RBM23: variants seen among roughly 807,000 people sequenced by gnomAD.
RBM23 encodes RNA binding motif protein 23, also known as probable RNA-binding protein 23.
A neutral mutation model predicts 56.2 loss-of-function variants in RBM23; 53 were observed. The observed-to-expected ratio is 0.94, with a 90% CI of 0.76 to 1.19. RBM23 has a LOEUF of 1.19. Ranked by LOEUF, RBM23 falls within the 50% of genes most tolerant of loss-of-function variation. The pLI, the probability that RBM23 is intolerant of heterozygous loss-of-function variation, is 0.00. For missense variants in RBM23, 642 were observed against 590.3 expected, an observed-to-expected ratio of 1.09 and a Z score of -0.91; for synonymous variants, 197 against 198.5, an observed-to-expected ratio of 0.99 and a Z score of 0.06.
rs1566518447 is a variant in RBM23 at position 22,901,748 on chromosome 14, G to GATA, written c.1317-16_1317-15insTAT. 1 of 1,613,854 alleles carries GATA rather than the reference G, an allele frequency of 6.2e-7. No individual in the cohort carries two copies. The highest frequency in any genetic ancestry group is 1.7e-5 in the Admixed American group (1 of 60,016). On this transcript the variant is annotated splice_polypyrimidine_tract_variant and intron_variant, in intron 13 of 13. Coordinates refer to ENST00000359890, the MANE Select transcript of RBM23 (RefSeq NM_001077351.2). ...CACTGATTTACCTGTGGAAAGAAGA[G>GATA]GTAAATGGGAAGCCAAAGGAAAGAG...
rs1370702866 is a variant in RBM23 at position 22,906,245 on chromosome 14, G to A, written c.351C>T (p.Asp117=). 1.3e-5 allele frequency: 21 copies of A among 1,614,098 alleles called. No individual in the cohort carries two copies. Among genetic ancestry groups the A allele is most frequent in the Non-Finnish European group, 1.8e-5 (21 of 1,180,048 alleles). The stretch of plus-strand genomic sequence containing the variant: ...AATGCACACGATCCTCACGACGATG[G>A]TCCCGACTTCGCGACTCACTACCAT... ...RRHGSESRSR[D]HRREDRVHYR... is the part of the protein sequence containing the mutation. The change falls in exon 5 of 14, where the codon GAC becomes GAT. Residue 117 remains aspartate, a synonymous_variant. Transcript: ENST00000359890.
Position 22,901,712 on chromosome 14 carries a change from G to A in RBM23, c.*18C>T. On this transcript the variant is annotated 3_prime_UTR_variant, in exon 14 of 14. Transcript: ENST00000359890. ...CAGGATCCAGAGGCACAAGGAGGCA[G>A]TATACTGTGCCACTGATTTACCTGT... 6 of 1,611,716 alleles carry A rather than the reference G, an allele frequency of 3.7e-6. No homozygotes were observed. Among genetic ancestry groups the A allele is most frequent in the Non-Finnish European group, 5.1e-6 (6 of 1,177,760 alleles).
rs368166923 is a variant in RBM23, at chr14:22,904,287, G to A, written c.904C>T (p.Arg302Cys). Residue 302 changes from arginine (R) to cysteine (C), a missense_variant, in exon 10 of 14, where the codon CGC (arginine) becomes TGC (cysteine). Transcript: ENST00000359890. ...IVLMKDSDTGRSKGYGFITFS... is the reference protein window; with the variant it reads ...IVLMKDSDTGCSKGYGFITFS... The stretch of plus-strand genomic sequence containing the variant: ...GTGATGAAACCATAACCTTTAGAGC[G>A]GCCTGTATCTGAGTCCTTCATCAGG... 42 of 1,613,132 alleles carry A rather than the reference G, an allele frequency of 2.6e-5. No individual in the cohort carries two copies. The highest frequency in any genetic ancestry group is 2.3e-4 in the South Asian group (21 of 91,056).
chr14:22,905,271 T>C (rs763078020), intron 7 of RBM23, 25 bp from the exon 8 acceptor site: 3 of 1,613,944 alleles, frequency 1.9e-6, no homozygotes, highest in Non-Finnish European at 2.5e-6. Flanking sequence ...AAAGAAATCC[T>C]GAGTTAGGCA....
At chr14:22,905,280 C>T (rs751821400) in intron 7 of RBM23, 34 bp from the exon 8 acceptor site, 15 of 1,613,838 alleles carry the variant, frequency 9.3e-6, no homozygotes, top group Non-Finnish European at 1.2e-5. Flanking sequence ...CTGAGTTAGG[C>T]ATAAAGGGAG....
In RBM23 at chr14:22,905,638, C is replaced by CA; in HGVS notation, c.422_423insT (p.Lys141AsnfsTer16). On this transcript the variant is annotated frameshift_variant, in exon 6 of 14. Transcript: ENST00000359890. LOFTEE classifies it high-confidence loss of function. ...GGCTCTTCTCTCTGAAATGAGGACT[C>CA]TTACTGTGTCCATACCTATAACTAA... 6.2e-7 allele frequency: 1 copy of CA among 1,609,624 alleles called. No homozygotes were observed. Among genetic ancestry groups the CA allele is most frequent in the Non-Finnish European group, 8.5e-7 (1 of 1,175,824 alleles).
At chr14:22,910,253 G>A (rs1441686295) in intron 2 of RBM23, among the ~76,000 whole-genome samples, 1 of 146,480 alleles carries the variant, frequency 6.8e-6, no homozygotes, top group East Asian at 2.0e-4. Context: ...CCTGAGGTCA[G>A]GAGTTCCAGA....
chr14:22,902,430 C>T (rs752265300), intron 10 of RBM23, 48 bp from the exon 11 acceptor site: 10 of 1,585,772 alleles, frequency 6.3e-6, no homozygotes, highest in Middle Eastern at 1.7e-4. Flanking sequence ...CAAAGACATG[C>T]TCTCAAAGAC....
chr14:22,912,241 A>C (rs1054472155), intron 1 of RBM23, among the ~76,000 whole-genome samples: 1 of 152,216 alleles, frequency 6.6e-6, no homozygotes, highest in Non-Finnish European at 1.5e-5. Context: ...GGCACGACTA[A>C]AAATCAGAAG....
chr14:22,918,400 T>TAA (rs34898728), intron 1 of RBM23, among the ~76,000 whole-genome samples: 1 of 149,410 alleles, frequency 6.7e-6, no homozygotes, highest in Non-Finnish European at 1.5e-5. Flanking sequence ...CTTAAAAAAA[T>TAA]AAAAAAAAAG....
At chr14:22,902,132 C>G (rs763335238) in intron 11 of RBM23, 33 bp from the exon 12 acceptor site, 2 of 1,605,114 alleles carry the variant, frequency 1.2e-6, no homozygotes, top group Admixed American at 1.7e-5. Flanking sequence ...GATTAAGCCC[C>G]AACCCTTCAT....
rs34197647 is a variant in RBM23, at chr14:22,900,329, A to ACCCCCCCCCCCCCCC, written c.*1400_*1401insGGGGGGGGGGGGGGG. On this transcript the variant is annotated 3_prime_UTR_variant, in exon 14 of 14. Coordinates refer to ENST00000359890, the MANE Select transcript of RBM23 (RefSeq NM_001077351.2). ...TGGTACTTAACTCTTCAAGATCACA[A>ACCCCCCCCCCCCCCC]CCCCCCCCCCTCCCCGCCCCGCCCC... 9 of 132,496 alleles carry ACCCCCCCCCCCCCCC rather than the reference A, an allele frequency of 6.8e-5. No homozygotes were observed. The highest frequency in any genetic ancestry group is 3.2e-4 in the Admixed American group (4 of 12,422). The allele number at this position is 132,496 out of a possible 1,614,324, so 8.2% of individuals were successfully genotyped here. A position where few individuals can be genotyped will look rare whatever the true frequency, so the allele number is the denominator to read the frequency against.
At chr14:22,912,093 T>C (rs2042626638) in intron 1 of RBM23, among the ~76,000 whole-genome samples, 2 of 152,196 alleles carry the variant, frequency 1.3e-5, no homozygotes, top group South Asian at 4.1e-4. Context: ...TCCACTCTAC[T>C]GTTCAAAATT....
rs1566506281 is a variant in RBM23, at chr14:22,898,245, ACAG to A, written c.*3482_*3484del. On this transcript the variant is annotated 3_prime_UTR_variant, in exon 14 of 14. Transcript: ENST00000359890. ...CAGGCAGAATTCCTGTGTCAAGAGC[ACAG>A]CAGTTTAAAGAACAGGGAGGAAATG... 1 of 152,274 alleles carries A rather than the reference ACAG, an allele frequency of 6.6e-6. No individual in the cohort carries two copies. The highest frequency in any genetic ancestry group is 2.4e-5 in the African/African-American group (1 of 41,460). The allele number at this position is 152,274 out of a possible 1,614,324, so 9.4% of individuals were successfully genotyped here. A position where few individuals can be genotyped will look rare whatever the true frequency, so the allele number is the denominator to read the frequency against.
In RBM23 at chr14:22,902,499, A is replaced by T. The variant is rs944805750; in HGVS notation, c.931-117T>A. 2.8e-6 allele frequency: 4 copies of T among 1,432,342 alleles called. No individual in the cohort carries two copies. The African/African-American group carries it at 4.3e-5, about 15-fold the overall frequency. 88.7% of individuals were successfully genotyped at this position (1,432,342 alleles called of 1,614,324 possible). A position where few individuals can be genotyped will look rare whatever the true frequency, so the allele number is the denominator to read the frequency against. ...AAATTGTATGCTCACTGAGGTACAAACTTTTCTTTCCCAGAAAATATGACC... is the reference window on the plus strand; with the variant it reads ...AAATTGTATGCTCACTGAGGTACAATCTTTTCTTTCCCAGAAAATATGACC... On this transcript the variant is annotated intron_variant, in intron 10 of 13. Coordinates refer to ENST00000359890, the MANE Select transcript of RBM23 (RefSeq NM_001077351.2).
In RBM23 at chr14:22,901,217, G is replaced by T. The variant is rs1038719552; in HGVS notation, c.*513C>A. On this transcript the variant is annotated 3_prime_UTR_variant, in exon 14 of 14. Transcript: ENST00000359890. ...TGCTTCAAGCTAAGGTCTGAGGCTG[G>T]CTTCTCAATGCACGTCCATGCTATC... The T allele has an allele frequency of 3.1e-5, 5 of 162,326 alleles. No homozygotes were observed. The highest frequency in any genetic ancestry group is 6.7e-5 in the Non-Finnish European group (5 of 74,272). 10.1% of individuals were successfully genotyped at this position (162,326 alleles called of 1,614,324 possible). A position where few individuals can be genotyped will look rare whatever the true frequency, so the allele number is the denominator to read the frequency against.
chr14:22,915,488 A>G (rs2043316539), intron 1 of RBM23, among the ~76,000 whole-genome samples: 1 of 134,386 alleles, frequency 7.4e-6, no homozygotes, highest in Non-Finnish European at 1.6e-5. Flanking sequence ...CATAAGCCCC[A>G]TGCCTGGCTT....
At chr14:22,912,823 A>C (rs35961314) in intron 1 of RBM23, among the ~76,000 whole-genome samples, 69,746 of 151,216 alleles carry the variant, frequency 0.46, 19,693 homozygotes, top group East Asian at 0.79. Flanking sequence ...AACATGGTGA[A>C]ACCCCGTCTC....
intron 3 of RBM23, 23 bp from the exon 4 acceptor site, chr14:22,908,403 C>A: frequency 7.7e-7 from 1 of 1,301,128 alleles, no homozygotes; most frequent in Non-Finnish European, 1.0e-6. Flanking sequence ...GTACATTCTT[C>A]TTTTTTTTTT....
Sources: allele counts gnomAD v4.1 joint callset (sites outside exome capture counted in the v4.1 genomes callset), GRCh38; gene constraint gnomAD v4.1.1; transcripts MANE v1.5; gene names NCBI Gene and HGNC (gene_info 2026-07-23, HGNC 2026-07-21).